The following PACRG variants were observed in gnomAD, a reference collection of about 807,000 sequenced individuals.
The protein encoded by PACRG is parkin coregulated.
In PACRG, 29 loss-of-function variants were observed where a neutral mutation model predicts 29.7. That is an observed-to-expected ratio of 0.98 (90% CI 0.73 to 1.33). PACRG has a LOEUF of 1.33. Among genes scored for constraint, PACRG ranks in the 40% most tolerant of loss-of-function variants. The probability of loss-of-function intolerance (pLI) is 0.00; values close to 1 mark genes in which losing one functional copy is unlikely to be tolerated. For synonymous variants in PACRG, 116 were observed against 118.7 expected (o/e 0.98, Z 0.15); for missense variants, 279 against 316.2 (o/e 0.88, Z 0.89).
chr6:162,779,098 T>C (rs1783885779), intron 1 of PACRG, among the ~76,000 whole-genome samples: 1 of 152,198 alleles, frequency 6.6e-6, no homozygotes, highest in African/African-American at 2.4e-5. Flanking sequence ...GTTCTCATCA[T>C]TCGGCTCCGA....
At chr6:162,739,602 G>A (rs1360653980) in intron 1 of PACRG, among the ~76,000 whole-genome samples, 1 of 152,100 alleles carries the variant, frequency 6.6e-6, no homozygotes, top group East Asian at 1.9e-4. Flanking sequence ...CCAGCACTTT[G>A]GGAGGCTGAC....
intron 1 of PACRG, among the ~76,000 whole-genome samples, chr6:162,797,931 C>A (rs895982622): frequency 6.6e-6 from 1 of 152,116 alleles, no homozygotes; most frequent in African/African-American, 2.4e-5. Context: ...AATTCTTGGT[C>A]TCCTTTCATG....
In PACRG at chr6:163,103,670, G is replaced by A. The variant is rs572975239; in HGVS notation, c.613+14262G>A. 3.3e-5 allele frequency among the ~76,000 whole-genome samples: 5 copies of A among 152,262 alleles called. No homozygotes were observed. In the East Asian group the frequency reaches 9.6e-4, roughly 29 times the overall value. On this transcript the variant is annotated intron_variant, in intron 4 of 4. Transcript: ENST00000366888. ...TAACAAGGGGACGGAAATATTGGAG[G>A]AACATCTGTAGAATTGAGGTTTTGG...
chr6:163,077,611 T>A (rs1221725332), intron 3 of PACRG, among the ~76,000 whole-genome samples: 2 of 152,238 alleles, frequency 1.3e-5, no homozygotes, highest in Non-Finnish European at 2.9e-5. Context: ...CCTTTACTCA[T>A]GATCTAATAA....
At chr6:163,194,874 C>T (rs1780376603) in intron 4 of PACRG, among the ~76,000 whole-genome samples, 1 of 152,094 alleles carries the variant, frequency 6.6e-6, no homozygotes, top group African/African-American at 2.4e-5. Flanking sequence ...TTCCCACCTC[C>T]TTCACTCTCC....
At chr6:162,957,312 C>A in intron 2 of PACRG, 2 of 592,162 alleles carry the variant, frequency 3.4e-6, no homozygotes, top group South Asian at 3.4e-5. Flanking sequence ...CACGCTTGAT[C>A]CTGTCCTGAA....
chr6:162,901,689 G>A (rs1336618834), intron 2 of PACRG, among the ~76,000 whole-genome samples: 5 of 152,126 alleles, frequency 3.3e-5, no homozygotes, highest in Non-Finnish European at 7.4e-5. Context: ...AGAATTTCCT[G>A]GAGAGTCATG....
chr6:162,965,123 A>C (rs1370962619), intron 2 of PACRG, among the ~76,000 whole-genome samples: 2 of 152,218 alleles, frequency 1.3e-5, no homozygotes, highest in Non-Finnish European at 2.9e-5. Context: ...GGGTTGCATC[A>C]GTGATTATAC....
chr6:163,091,272 G>A lies in PACRG; in HGVS notation c.613+1864G>A, dbSNP rs114127675. Among the ~76,000 whole-genome samples the A allele has an allele frequency of 6.8e-3, 1,028 of 152,288 alleles. 10 individuals are homozygous for A. The highest frequency in any genetic ancestry group is 0.024 in the African/African-American group (983 of 41,560). On this transcript the variant is annotated intron_variant, in intron 4 of 4. Coordinates refer to ENST00000366888, the MANE Select transcript of PACRG (RefSeq NM_001080379.2). ...CAAAGACAGATAAATCTTGTTGGGA[G>A]CTCTAGACTACTAAACAAAACAATT...
chr6:162,924,459 T>C (rs1797286325), intron 2 of PACRG, among the ~76,000 whole-genome samples: 1 of 152,132 alleles, frequency 6.6e-6, no homozygotes, highest in African/African-American at 2.4e-5. Flanking sequence ...ATCCTTGTCT[T>C]GTTCCAGCAC....
chr6:162,950,374 G>C (rs1031162256), intron 2 of PACRG, among the ~76,000 whole-genome samples: 1 of 152,102 alleles, frequency 6.6e-6, no homozygotes. Flanking sequence ...CGGGCGTGGT[G>C]GCGAGCGCCT....
chr6:163,292,152 A>G (rs1420461029), intron 4 of PACRG, among the ~76,000 whole-genome samples: 1 of 152,162 alleles, frequency 6.6e-6, no homozygotes, highest in Non-Finnish European at 1.5e-5. Flanking sequence ...GACAGACCAT[A>G]AGGGACAACG....
chr6:163,056,220 A>G (rs1810579322), intron 2 of PACRG, among the ~76,000 whole-genome samples: 1 of 152,220 alleles, frequency 6.6e-6, no homozygotes, highest in Admixed American at 6.5e-5. Flanking sequence ...CATACAACAC[A>G]GCATTTGCAC....
At chr6:162,727,775 CCCCGCCCCCGCG>C, upstream of PACRG, 1 of 1,183,304 alleles carries the variant, frequency 8.5e-7, no homozygotes, top group Non-Finnish European at 1.2e-6. Context: ...CTCCAGGCCT[CCCCGCCCCCGCG>C]CCCGGCCCTA....
chr6:162,989,731 T>C (rs1225028620), intron 2 of PACRG, among the ~76,000 whole-genome samples: 3 of 151,430 alleles, frequency 2.0e-5, no homozygotes, highest in Non-Finnish European at 4.4e-5. Flanking sequence ...CCTTTTTTTT[T>C]TTTTCTTTTC....
chr6:163,005,804 A>G (rs1237714403), intron 2 of PACRG, among the ~76,000 whole-genome samples: 2 of 149,158 alleles, frequency 1.3e-5, no homozygotes, highest in Non-Finnish European at 3.0e-5. Flanking sequence ...TTATATATAT[A>G]CAACATAGTT....
intron 4 of PACRG, among the ~76,000 whole-genome samples, chr6:163,134,972 G>A (rs1200649269): frequency 6.6e-6 from 1 of 152,108 alleles, no homozygotes. Flanking sequence ...CTACTCTGAG[G>A]TGATGAGTTT....
intron 4 of PACRG, among the ~76,000 whole-genome samples, chr6:163,276,165 TA>T (rs1784018261): frequency 6.6e-6 from 1 of 152,082 alleles, no homozygotes; most frequent in African/African-American, 2.4e-5. Flanking sequence ...TAGCTGGGAC[TA>T]CAGGCGAGCG....
rs542777954 is a variant in PACRG, at chr6:163,287,428, G to A, written c.614-27399G>A. 2.0e-5 allele frequency among the ~76,000 whole-genome samples: 3 copies of A among 152,136 alleles called. 1 individual carries two copies. The East Asian group carries it at 5.8e-4, about 29-fold the overall frequency. On this transcript the variant is annotated intron_variant, in intron 4 of 4. Transcript: ENST00000366888. ...CCCTCCCAGCAGCCTTCGCCGCCAC[G>A]TTTGTCCCCACAGGCCGCACACACG... is the stretch of plus-strand genomic sequence containing the variant.
Sources: gnomAD v4.1 joint callset for allele counts (sites outside exome capture counted in the v4.1 genomes callset) on GRCh38, gnomAD v4.1.1 for gene constraint, MANE v1.5 for transcripts, NCBI Gene and HGNC (gene_info 2026-07-23, HGNC 2026-07-21) for gene names.